CFAP54: variants seen among roughly 807,000 people sequenced by gnomAD.
CFAP54 encodes the protein cilia- and flagella-associated protein 54.
CFAP54 carries 290 observed loss-of-function variants against 370.4 expected under a neutral mutation model. That is an observed-to-expected ratio of 0.78 (90% confidence interval 0.71 to 0.86). The LOEUF (loss-of-function observed/expected upper bound fraction) is 0.86. Ranked by LOEUF, CFAP54 falls within the 40% of genes least tolerant of loss-of-function variation. The probability of loss-of-function intolerance (pLI) is 0.00; values close to 1 mark genes in which losing one functional copy is unlikely to be tolerated. For missense variants in CFAP54, 3,399 were observed against 3,528.7 expected (o/e 0.96, Z 0.93); for synonymous variants, 1,206 against 1,236.5 (o/e 0.98, Z 0.52).
chr12:96,524,496 G>A (rs1955353225), intron 8 of CFAP54, among the ~76,000 whole-genome samples: 1 of 152,108 alleles, frequency 6.6e-6, no homozygotes, highest in South Asian at 2.1e-4. Context: ...AGTATCTACT[G>A]TGGTTTCAAG....
chr12:96,552,246 CAAAAAAA>C (rs374756712), intron 15 of CFAP54, among the ~76,000 whole-genome samples: 12 of 40,986 alleles, frequency 2.9e-4, no homozygotes, highest in Admixed American at 1.2e-3. Flanking sequence ...AACTACATCT[CAAAAAAA>C]AAAAAAAAAA....
chr12:96,641,930 G>GGGT (rs1956733886), intron 32 of CFAP54, among the ~76,000 whole-genome samples: 2 of 143,186 alleles, frequency 1.4e-5, no homozygotes, highest in Admixed American at 1.4e-4. Flanking sequence ...GCCTGTTGTG[G>GGGT]GGTGGTGCGG....
Position 96,860,895 on chromosome 12 carries a change from C to CATTGAA in CFAP54, c.9249_9250insTTGAAA (p.Ser3083_Gly3084insLeuLys). The CATTGAA allele has an allele frequency of 1.3e-6, 2 of 1,534,964 alleles. No homozygotes were observed. The highest frequency in any genetic ancestry group is 1.7e-6 in the Non-Finnish European group (2 of 1,146,152). ...GATCTGGCTAATGGTTGCATTTTAT[C>CATTGAA]AGGAGGAAGCCTTTTCAACTGGATA... On this transcript the variant is annotated inframe_insertion, in exon 67 of 68. Transcript: ENST00000524981.
intron 59 of CFAP54, among the ~76,000 whole-genome samples, chr12:96,764,635 A>G (rs1958379481): frequency 6.6e-6 from 1 of 152,098 alleles, no homozygotes; most frequent in Admixed American, 6.6e-5. Flanking sequence ...GAAAAAAAGA[A>G]AAAAAAATTA....
At chr12:96,526,241 A>T (rs1332467052) in intron 8 of CFAP54, among the ~76,000 whole-genome samples, 1 of 152,194 alleles carries the variant, frequency 6.6e-6, no homozygotes, top group Non-Finnish European at 1.5e-5. Context: ...AAATGCAGAG[A>T]ACAGGTCATT....
intron 30 of CFAP54, among the ~76,000 whole-genome samples, chr12:96,627,368 A>C (rs1956559099): frequency 6.6e-6 from 1 of 152,216 alleles, no homozygotes; most frequent in South Asian, 2.1e-4. Flanking sequence ...AAAAGCAGTA[A>C]ACCTTAAAGC....
intron 26 of CFAP54, 59 bp downstream of exon 26, chr12:96,598,826 A>G (rs139752130): frequency 4.9e-4 from 212 of 433,246 alleles, no homozygotes; most frequent in African/African-American, 3.9e-3. Context: ...TGATTTGGAA[A>G]GTCTACTTTT....
intron 15 of CFAP54, among the ~76,000 whole-genome samples, chr12:96,552,493 A>G (rs1955706416): frequency 1.3e-5 from 2 of 151,812 alleles, no homozygotes; most frequent in African/African-American, 4.8e-5. Context: ...ACAGGTCTGC[A>G]CCATCATGCC....
chr12:96,856,292 A>T (rs1280033900), intron 66 of CFAP54, among the ~76,000 whole-genome samples: 1 of 152,180 alleles, frequency 6.6e-6, no homozygotes, highest in Non-Finnish European at 1.5e-5. Flanking sequence ...TGTCTTGGTG[A>T]TTAACATTTG....
At chr12:96,814,769 T>C (rs1958959510) in intron 64 of CFAP54, among the ~76,000 whole-genome samples, 1 of 152,130 alleles carries the variant, frequency 6.6e-6, no homozygotes, top group Admixed American at 6.5e-5. Flanking sequence ...TGTGTTCTCA[T>C]TGTTCAGCTC....
At position 96,550,583 on chromosome 12, in the gene CFAP54, T is replaced by C. The variant is rs377400362; in HGVS notation, c.2154+2605T>C. Among the ~76,000 whole-genome samples the C allele has an allele frequency of 9.1e-4, 138 of 151,938 alleles. 3 individuals carry two copies. The South Asian group carries it at 0.027, about 30-fold the overall frequency. On this transcript the variant is annotated intron_variant, in intron 15 of 67. Coordinates refer to ENST00000524981, the MANE Select transcript of CFAP54 (RefSeq NM_001306084.2). ...CAAAGTGAGACTCTGTCTCAAAAAATAAAAAAATAAATAAAAGGGATATCT... is the reference window on the plus strand; with the variant it reads ...CAAAGTGAGACTCTGTCTCAAAAAACAAAAAAATAAATAAAAGGGATATCT...
rs1958082116 is a variant in CFAP54, at chr12:96,743,911, GT to G, written c.7557+2del. The G allele has an allele frequency of 6.2e-7, 1 of 1,609,368 alleles. No homozygotes were observed. Among genetic ancestry groups the G allele is most frequent in the African/African-American group, 1.3e-5 (1 of 74,510 alleles). The stretch of plus-strand genomic sequence containing the variant: ...GGCTCATAGCATTCTAACTGAACAG[GT>G]GAGAATGCTTTTGTGTCTGCGAGAC... On this transcript the variant is annotated splice_donor_variant, in intron 54 of 67. Transcript: ENST00000524981. LOFTEE classifies it high-confidence loss of function.
At chr12:96,785,286 C>G (rs1958617453) in intron 61 of CFAP54, among the ~76,000 whole-genome samples, 8 of 151,118 alleles carry the variant, frequency 5.3e-5, no homozygotes, top group Admixed American at 4.6e-4. Flanking sequence ...TGCATGACTT[C>G]AGATGGCATA....
chr12:96,857,851 A>G (rs2136460412), intron 66 of CFAP54, among the ~76,000 whole-genome samples: 1 of 152,332 alleles, frequency 6.6e-6, no homozygotes, highest in Middle Eastern at 3.4e-3. Flanking sequence ...CTGTGAGTCA[A>G]TTAAACCTCT....
intron 26 of CFAP54, among the ~76,000 whole-genome samples, chr12:96,608,338 C>T (rs370473979): frequency 3.5e-4 from 53 of 150,646 alleles, no homozygotes; most frequent in East Asian, 7.8e-4. Flanking sequence ...CACACACATA[C>T]GCACACACAT....
intron 63 of CFAP54, among the ~76,000 whole-genome samples, chr12:96,804,571 G>A (rs1003762133): frequency 1.3e-5 from 2 of 151,882 alleles, no homozygotes; most frequent in African/African-American, 2.4e-5. Flanking sequence ...GGACATGAAA[G>A]GTCTCTAAAA....
At chr12:96,664,789 A>C (rs3953276) in intron 39 of CFAP54, among the ~76,000 whole-genome samples, 337 of 17,154 alleles carry the variant, frequency 0.02, 14 homozygotes, top group South Asian at 0.075. Context: ...ATATATATAT[A>C]TATATATATA....
intron 66 of CFAP54, among the ~76,000 whole-genome samples, chr12:96,846,196 G>A (rs1027397832): frequency 2.0e-5 from 3 of 152,206 alleles, no homozygotes; most frequent in African/African-American, 7.2e-5. Context: ...ATGAGGAATA[G>A]ACATTTAGTT....
intron 60 of CFAP54, among the ~76,000 whole-genome samples, chr12:96,773,172 G>T (rs1001594899): frequency 6.6e-6 from 1 of 152,184 alleles, no homozygotes; most frequent in Non-Finnish European, 1.5e-5. Flanking sequence ...CCAATTCTAG[G>T]CTGTGTCCAG....
Sources: allele counts gnomAD v4.1 joint callset (sites outside exome capture counted in the v4.1 genomes callset), GRCh38; gene constraint gnomAD v4.1.1; transcripts MANE v1.5; gene names NCBI Gene and HGNC (gene_info 2026-07-23, HGNC 2026-07-21).